The following LPP variants were observed in gnomAD, a reference collection of about 807,000 sequenced individuals.
LPP encodes the protein lipoma-preferred partner.
In LPP, 38 loss-of-function variants were observed where a neutral mutation model predicts 60.4. The ratio of observed to expected loss-of-function variants is 0.63; its 90% confidence interval spans 0.49 to 0.83. The LOEUF (loss-of-function observed/expected upper bound fraction) is 0.83, where lower values mean the gene tolerates loss of function less well. LPP is among the 40% of genes least tolerant of loss of function. The pLI is 0.00. For synonymous variants in LPP, 328 were observed against 290.8 expected, an observed-to-expected ratio of 1.13 and a Z score of -1.30; for missense variants, 902 against 783.6, an observed-to-expected ratio of 1.15 and a Z score of -1.80.
chr3:188,375,609 A>C (rs1437496876), intron 3 of LPP, among the ~76,000 whole-genome samples: 1 of 151,278 alleles, frequency 6.6e-6, no homozygotes, highest in African/African-American at 2.4e-5. Flanking sequence ...CTTCTTTATT[A>C]GTCTTGCTAG....
chr3:188,762,476 C>A (rs1732694212), intron 9 of LPP, among the ~76,000 whole-genome samples: 1 of 152,156 alleles, frequency 6.6e-6, no homozygotes, highest in South Asian at 2.1e-4. Flanking sequence ...ATTATTATAA[C>A]CTTTCAGACA....
At chr3:188,220,911 G>T (rs757613202) in intron 1 of LPP, among the ~76,000 whole-genome samples, 25 of 152,134 alleles carry the variant, frequency 1.6e-4, no homozygotes, top group Admixed American at 5.9e-4. Context: ...TTCATAGGTA[G>T]CTCCCCTACC....
chr3:188,869,587 A>G (rs1418645184), intron 10 of LPP, among the ~76,000 whole-genome samples: 1 of 152,182 alleles, frequency 6.6e-6, no homozygotes, highest in East Asian at 1.9e-4. Flanking sequence ...CACTGCACCC[A>G]GCCTTAGTCT....
chr3:188,299,596 T>G (rs1268181447), intron 2 of LPP, among the ~76,000 whole-genome samples: 1 of 152,140 alleles, frequency 6.6e-6, no homozygotes, highest in Non-Finnish European at 1.5e-5. Context: ...AATTTTAAAG[T>G]TCTTGAATAG....
At chr3:188,422,697 A>G (rs1452311183) in intron 4 of LPP, among the ~76,000 whole-genome samples, 1 of 152,174 alleles carries the variant, frequency 6.6e-6, no homozygotes, top group Admixed American at 6.6e-5. Context: ...ACATAGTGTA[A>G]CGATCTCTGG....
chr3:188,627,858 C>CTATAAAG (rs1847142755), intron 7 of LPP, among the ~76,000 whole-genome samples: 1 of 152,046 alleles, frequency 6.6e-6, no homozygotes, highest in Non-Finnish European at 1.5e-5. Flanking sequence ...TGACTACACA[C>CTATAAAG]CCATTCATAA....
At chr3:188,594,371 C>G (rs146905571) in intron 6 of LPP, among the ~76,000 whole-genome samples, 2 of 152,260 alleles carry the variant, frequency 1.3e-5, no homozygotes, top group African/African-American at 4.8e-5. Context: ...AGCCAGTGTT[C>G]TTTAGCTGGC....
chr3:188,660,041 G>A (rs952085124), intron 7 of LPP, among the ~76,000 whole-genome samples: 4 of 152,060 alleles, frequency 2.6e-5, no homozygotes, highest in African/African-American at 7.2e-5. Flanking sequence ...GAATGGAATG[G>A]CACAGAGCAC....
chr3:188,254,149 C>G (rs1476013698), intron 2 of LPP, among the ~76,000 whole-genome samples: 1 of 152,168 alleles, frequency 6.6e-6, no homozygotes, highest in Non-Finnish European at 1.5e-5. Flanking sequence ...AAGGTCTGCC[C>G]ACCTATTCTT....
intron 3 of LPP, among the ~76,000 whole-genome samples, chr3:188,353,768 T>C (rs905392496): frequency 6.6e-5 from 10 of 152,312 alleles, no homozygotes; most frequent in African/African-American, 2.4e-4. Context: ...CTTTAGCTGA[T>C]TTGTTTTCAG....
chr3:188,777,695 C>A (rs189200309), intron 9 of LPP, among the ~76,000 whole-genome samples: 19 of 152,280 alleles, frequency 1.2e-4, no homozygotes, highest in African/African-American at 4.6e-4. Context: ...ACAGTCCTCA[C>A]ACTCCACTGG....
At chr3:188,456,371 C>T (rs1321608123) in intron 4 of LPP, among the ~76,000 whole-genome samples, 1 of 152,162 alleles carries the variant, frequency 6.6e-6, no homozygotes, top group Non-Finnish European at 1.5e-5. Flanking sequence ...GCAGTTTACA[C>T]CAACAGGGAC....
intron 6 of LPP, among the ~76,000 whole-genome samples, chr3:188,526,296 T>A (rs913239475): frequency 3.6e-4 from 2 of 5,568 alleles, no homozygotes; most frequent in African/African-American, 1.2e-3. Flanking sequence ...CTTCTTCTTC[T>A]TTTTTTTTTC....
intron 6 of LPP, among the ~76,000 whole-genome samples, chr3:188,578,580 T>A (rs1261041214): frequency 6.6e-6 from 1 of 152,176 alleles, no homozygotes; most frequent in Non-Finnish European, 1.5e-5. Context: ...AGGGGAAATA[T>A]TATCTCTCAC....
chr3:188,723,140 A>T (rs769386695), intron 8 of LPP, among the ~76,000 whole-genome samples: 5 of 152,214 alleles, frequency 3.3e-5, no homozygotes, highest in Non-Finnish European at 7.3e-5. Flanking sequence ...AAGAGACAAA[A>T]TGAATTTTGA....
intron 6 of LPP, among the ~76,000 whole-genome samples, chr3:188,605,905 G>A (rs1468831783): frequency 2.6e-5 from 4 of 152,160 alleles, no homozygotes; most frequent in African/African-American, 9.7e-5. Context: ...ACCACCTCCT[G>A]ATGGGGAGTT....
intron 7 of LPP, among the ~76,000 whole-genome samples, chr3:188,698,190 G>T (rs902801550): frequency 1.3e-5 from 2 of 152,116 alleles, no homozygotes; most frequent in African/African-American, 4.8e-5. Flanking sequence ...CGTGTGCCTG[G>T]AGTCACTGCC....
At chr3:188,461,712 C>G (rs1361371801) in intron 4 of LPP, among the ~76,000 whole-genome samples, 1 of 152,098 alleles carries the variant, frequency 6.6e-6, no homozygotes, top group Non-Finnish European at 1.5e-5. Flanking sequence ...GCTTAAATAG[C>G]TCTCTTTTTA....
At chr3:188,530,530 A>G (rs1446038892) in intron 6 of LPP, among the ~76,000 whole-genome samples, 1 of 152,158 alleles carries the variant, frequency 6.6e-6, no homozygotes, top group Admixed American at 6.5e-5. Context: ...TATTCTACAG[A>G]TGGAAAGCTT....
Sources: gnomAD v4.1 joint callset for allele counts (sites outside exome capture counted in the v4.1 genomes callset) on GRCh38, gnomAD v4.1.1 for gene constraint, MANE v1.5 for transcripts, NCBI Gene and HGNC (gene_info 2026-07-23, HGNC 2026-07-21) for gene names.